ZNF43: variants seen among roughly 807,000 people sequenced by gnomAD.
ZNF43 encodes zinc finger protein 43.
In ZNF43, 44 loss-of-function variants were observed where a neutral mutation model predicts 68.4. The observed-to-expected ratio is 0.64, with a 90% CI of 0.51 to 0.83. The LOEUF (loss-of-function observed/expected upper bound fraction) is 0.83. ZNF43 is among the 40% of genes least tolerant of loss of function. ZNF43 has a pLI of 0.00. For synonymous variants in ZNF43, 308 were observed against 307.8 expected (o/e 1.00, Z -0.01); for missense variants, 896 against 933.2 (o/e 0.96, Z 0.52).
chr19:21,814,825 A>G (rs1455744521), intron 3 of ZNF43, among the ~76,000 whole-genome samples: 1 of 152,132 alleles, frequency 6.6e-6, no homozygotes, highest in Non-Finnish European at 1.5e-5. Context: ...ATGTTAAGAA[A>G]CCTACACTGA....
intron 2 of ZNF43, among the ~76,000 whole-genome samples, chr19:21,818,548 GTAGC>G (rs1216742384): frequency 2.0e-5 from 3 of 151,934 alleles, no homozygotes; most frequent in Non-Finnish European, 4.4e-5. Flanking sequence ...AGGCTCCTGA[GTAGC>G]TGGGATTACT....
At chr19:21,813,277 A>C in intron 3 of ZNF43, among the ~76,000 whole-genome samples, 1 of 152,088 alleles carries the variant, frequency 6.6e-6, no homozygotes, top group East Asian at 1.9e-4. Context: ...TGTTTCTCAG[A>C]TACTTAAAAA....
chr19:21,833,124 C>A (rs1039592741), intron 1 of ZNF43, among the ~76,000 whole-genome samples: 1 of 152,084 alleles, frequency 6.6e-6, no homozygotes, highest in African/African-American at 2.4e-5. Flanking sequence ...AATAGATTTT[C>A]CCTATTCTTT....
rs1299538604 is a variant in ZNF43, at chr19:21,807,496, A to G, written c.*111T>C. On this transcript the variant is annotated 3_prime_UTR_variant, in exon 4 of 4. Coordinates refer to ENST00000354959, the MANE Select transcript of ZNF43 (RefSeq NM_003423.4). Reference sequence around the variant, plus strand: ...TTAAAAGTTTTGCCACATTCTTCACACTTGTAGAAGTTTACTCCAATGTAA... The same window carrying G: ...TTAAAAGTTTTGCCACATTCTTCACGCTTGTAGAAGTTTACTCCAATGTAA... 37 of 1,092,926 alleles carry G rather than the reference A, an allele frequency of 3.4e-5. No homozygotes were observed. The highest frequency in any genetic ancestry group is 4.5e-5 in the Non-Finnish European group (36 of 793,314). The allele number at this position is 1,092,926 out of a possible 1,614,324, so 67.7% of individuals were successfully genotyped here.
chr19:21,811,745 G>T (rs1351784172), intron 3 of ZNF43, among the ~76,000 whole-genome samples: 1 of 152,072 alleles, frequency 6.6e-6, no homozygotes, highest in Non-Finnish European at 1.5e-5. Context: ...AAGTTGCCAT[G>T]AGGAAGCAAT....
rs1348644799 is a variant in ZNF43 at position 21,809,157 on chromosome 19, C to T, written c.880G>A (p.Ala294Thr). 2 of 1,613,468 alleles carry T rather than the reference C, an allele frequency of 1.2e-6. No homozygotes were observed. Among genetic ancestry groups the T allele is most frequent in the South Asian group, 2.2e-5 (2 of 91,064 alleles). ...KFYKCKECAK[A>T]FNQSSNLTEH... ...GTAAGGTTTGAGGATTGGTTAAAAG[C>T]TTTGGCACATTCTTTACATTTGTAG... The change falls in exon 4 of 4, where the codon GCT becomes ACT. Residue 294 changes from alanine to threonine, a missense_variant. Transcript: ENST00000354959.
chr19:21,834,067 G>A (rs2038562123), intron 1 of ZNF43, among the ~76,000 whole-genome samples: 1 of 151,840 alleles, frequency 6.6e-6, no homozygotes, highest in African/African-American at 2.4e-5. Flanking sequence ...TGTGCCTAGG[G>A]AAAACAAAAA....
chr19:21,828,540 C>A (rs2038250845), intron 1 of ZNF43, among the ~76,000 whole-genome samples: 1 of 151,742 alleles, frequency 6.6e-6, no homozygotes, highest in African/African-American at 2.4e-5. Context: ...CATGGAGAAA[C>A]CCTGTCTCTA....
intron 1 of ZNF43, among the ~76,000 whole-genome samples, chr19:21,844,151 T>C (rs1967739707): frequency 6.6e-6 from 1 of 151,924 alleles, no homozygotes; most frequent in East Asian, 1.9e-4. Context: ...AGGTGGATCA[T>C]GAGGTCAGTA....
chr19:21,831,020 G>T (rs896259867), intron 1 of ZNF43, among the ~76,000 whole-genome samples: 1 of 152,140 alleles, frequency 6.6e-6, no homozygotes, highest in Non-Finnish European at 1.5e-5. Context: ...TATCTCAATA[G>T]ATGCAGAAAA....
rs10414162 is a variant in ZNF43 at position 21,828,849 on chromosome 19, C to T, written c.3+7187G>A. Among the ~76,000 whole-genome samples, 605 of 151,102 alleles carry T rather than the reference C, an allele frequency of 4.0e-3. 4 individuals carry two copies. Among genetic ancestry groups the T allele is most frequent in the African/African-American group, 0.014 (588 of 41,184 alleles). ...GAGATCGAGACCATCCTGGCTAACA[C>T]GGTGAAACCCCGTCTCTACTAAAAA... On this transcript the variant is annotated intron_variant, in intron 1 of 3. Coordinates refer to ENST00000354959, the MANE Select transcript of ZNF43 (RefSeq NM_003423.4).
upstream of ZNF43, among the ~76,000 whole-genome samples, chr19:21,837,215 T>C (rs1266863506): frequency 1.3e-5 from 2 of 152,032 alleles, no homozygotes; most frequent in African/African-American, 4.8e-5. Context: ...ATAGTATTAC[T>C]TGAAATATAA....
At position 21,807,873 on chromosome 19, in the gene ZNF43, TA is replaced by T. The variant is rs2037027272; in HGVS notation, c.2163del (p.Ile722LeufsTer74). On this transcript the variant is annotated frameshift_variant, in exon 4 of 4. Coordinates refer to ENST00000354959, the MANE Select transcript of ZNF43 (RefSeq NM_003423.4). LOFTEE classifies it high-confidence loss of function. Reference sequence around the variant, plus strand: ...CCAGTATGAATTTTCTTATGTTCAATAAGGTTTGAGGATCGGTTAAAAGCTT... The same window carrying T: ...CCAGTATGAATTTTCTTATGTTCAATAGGTTTGAGGATCGGTTAAAAGCTT... Reference protein sequence around the residue: ...CGKAFNRSSNLIEHKKIHTGE... With the variant: ...CGKAFNRSSNXIEHKKIHTGE... 6.2e-7 allele frequency: 1 copy of T among 1,613,162 alleles called. No individual in the cohort carries two copies. Among genetic ancestry groups the T allele is most frequent in the Non-Finnish European group, 8.5e-7 (1 of 1,179,768 alleles).
chr19:21,828,800 G>A (rs542307009), intron 1 of ZNF43, among the ~76,000 whole-genome samples: 33 of 150,200 alleles, frequency 2.2e-4, no homozygotes, highest in African/African-American at 8.1e-4. Context: ...TTGGGAGGCC[G>A]CAGCGAGCAG....
At chr19:21,842,594 G>A (rs1967620378) in intron 1 of ZNF43, among the ~76,000 whole-genome samples, 3 of 151,918 alleles carry the variant, frequency 2.0e-5, no homozygotes, top group Admixed American at 2.0e-4. Context: ...ATGTCAAAAT[G>A]CCCTATGTGG....
At position 21,836,170 on chromosome 19, in the gene ZNF43, T is replaced by C. The variant is rs2038723952; in HGVS notation, c.-132A>G. 4.5e-6 allele frequency: 7 copies of C among 1,552,494 alleles called. No homozygotes were observed. The highest frequency in any genetic ancestry group is 5.2e-6 in the Non-Finnish European group (6 of 1,148,226). ...CGAAGACGAGACGCAGAGCTCCAAC[T>C]GCAGCCAGAGACAAAGGCCCCGCCA... On this transcript the variant is annotated 5_prime_UTR_variant, in exon 1 of 4. Transcript: ENST00000354959.
intron 1 of ZNF43, among the ~76,000 whole-genome samples, chr19:21,829,138 C>T (rs1397557216): frequency 1.3e-5 from 2 of 149,514 alleles, no homozygotes; most frequent in African/African-American, 2.5e-5. Context: ...GCAGGAGAAT[C>T]GCTTGAACCC....
chr19:21,837,415 CTT>C (rs539940868), upstream of ZNF43, among the ~76,000 whole-genome samples: 1,735 of 83,408 alleles, frequency 0.021, 4 homozygotes, highest in African/African-American at 0.073. Context: ...CCTACACTTA[CTT>C]TTTTTTTTTT....
chr19:21,835,980 C>A (rs367988589), intron 1 of ZNF43, 56 bp downstream of exon 1: 989 of 1,612,270 alleles, frequency 6.1e-4, no homozygotes, highest in Non-Finnish European at 7.7e-4. Flanking sequence ...TGCGGGAAGG[C>A]CTGAGTCACG....
Sources: allele counts gnomAD v4.1 joint callset (sites outside exome capture counted in the v4.1 genomes callset), GRCh38; gene constraint gnomAD v4.1.1; transcripts MANE v1.5; gene names NCBI Gene and HGNC (gene_info 2026-07-23, HGNC 2026-07-21).